The following TTC34 variants were observed in gnomAD, a reference collection of about 807,000 sequenced individuals.
TTC34 encodes the protein tetratricopeptide repeat domain 34.
A neutral mutation model predicts 40.7 loss-of-function variants in TTC34; 44 were observed. The ratio of observed to expected loss-of-function variants is 1.08; its 90% confidence interval spans 0.85 to 1.39. The LOEUF is 1.39. Ranked by LOEUF, TTC34 falls within the 40% of genes most tolerant of loss-of-function variation. The pLI, the probability that TTC34 is intolerant of heterozygous loss-of-function variation, is 0.00. For missense variants in TTC34, 884 were observed against 838.0 expected (o/e 1.05, Z -0.68); for synonymous variants, 422 against 398.6 (o/e 1.06, Z -0.70).
Position 2,641,316 on chromosome 1 carries a change from T to C in TTC34, c.*52A>G, listed in dbSNP as rs556650214. The C allele has an allele frequency of 2.8e-6, 4 of 1,448,136 alleles. No individual in the cohort carries two copies. The East Asian group carries it at 1.0e-4, about 36-fold the overall frequency. The allele number at this position is 1,448,136 out of a possible 1,614,324, so 89.7% of individuals were successfully genotyped here. On this transcript the variant is annotated 3_prime_UTR_variant, in exon 9 of 9. Transcript: ENST00000401095. ...TACACCCCTGGGCCTGGACATCAGG[T>C]GCAGATGCTAGGGTGGCCCCGTGAT...
chr1:2,637,144 T>G (rs1388497882), exon 9 of TTC34: 1 of 151,972 alleles, frequency 6.6e-6, no homozygotes, highest in African/African-American at 2.4e-5. Flanking sequence ...GCATGCTGAT[T>G]GGCTTCTGAT....
At chr1:2,750,952 G>C (rs1238294810) in intron 6 of TTC34, among the ~76,000 whole-genome samples, 1 of 114,546 alleles carries the variant, frequency 8.7e-6, no homozygotes, top group Non-Finnish European at 1.7e-5. Flanking sequence ...GGACAGCCTG[G>C]AGCAGCACCC....
intron 7 of TTC34, 97 bp from the exon 8 acceptor site, chr1:2,644,575 G>C: frequency 7.9e-7 from 1 of 1,270,402 alleles, no homozygotes; most frequent in Non-Finnish European, 1.1e-6. Flanking sequence ...CCCTGTGCTG[G>C]CTTGCGGGGA....
At chr1:2,753,176 C>G (rs1475736101) in intron 6 of TTC34, among the ~76,000 whole-genome samples, 1 of 129,060 alleles carries the variant, frequency 7.7e-6, no homozygotes, top group Non-Finnish European at 1.6e-5. Flanking sequence ...CACCCACACC[C>G]CCAGGTGAGC....
At chr1:2,752,493 G>GCC (rs1641355469) in intron 6 of TTC34, among the ~76,000 whole-genome samples, 1 of 64,294 alleles carries the variant, frequency 1.6e-5, no homozygotes, top group African/African-American at 7.7e-5. Flanking sequence ...CACCCACACA[G>GCC]CCAGGTGAGC....
At chr1:2,750,172 G>A (rs1569688496) in intron 6 of TTC34, among the ~76,000 whole-genome samples, 2 of 152,026 alleles carry the variant, frequency 1.3e-5, no homozygotes, top group Non-Finnish European at 1.5e-5. Flanking sequence ...ACCCCCAGGC[G>A]AGCATCTGAC....
intron 6 of TTC34, among the ~76,000 whole-genome samples, chr1:2,753,652 C>G (rs1423871111): frequency 1.8e-5 from 2 of 108,156 alleles, no homozygotes; most frequent in South Asian, 3.2e-4. Flanking sequence ...GGAGCAGCAC[C>G]CACACCCCAG....
At position 2,767,955 on chromosome 1, in the gene TTC34, A is replaced by C. The variant is rs540596850; in HGVS notation, c.2226+15654T>G. Among the ~76,000 whole-genome samples, 4 of 148,244 alleles carry C rather than the reference A, an allele frequency of 2.7e-5. 1 individual carries two copies. The highest frequency in any genetic ancestry group is 2.0e-4 in the East Asian group (1 of 4,962). On this transcript the variant is annotated intron_variant, in intron 6 of 8. Coordinates refer to ENST00000401095, the Ensembl canonical transcript of TTC34. ...CCAAGGTGGGCATCCGATGGCATGG[A>C]ACAGCACCCCCACTCACAGGTGATG...
chr1:2,641,750 A>G, exon 9 of TTC34: 1 of 1,535,284 alleles, frequency 6.5e-7, no homozygotes, highest in Non-Finnish European at 8.7e-7. Flanking sequence ...GGCCCGGCCA[A>G]ACTCCTGCAA....
chr1:2,682,073 G>T lies in TTC34; in HGVS notation c.2227-36510C>A, dbSNP rs1472380056. Among the ~76,000 whole-genome samples, 3 of 133,938 alleles carry T rather than the reference G, an allele frequency of 2.2e-5. No individual in the cohort carries two copies. The East Asian group carries it at 6.3e-4, about 28-fold the overall frequency. 87.9% of individuals were successfully genotyped at this position (133,938 alleles called of 152,430 possible). A position where few individuals can be genotyped will look rare whatever the true frequency, so the allele number is the denominator to read the frequency against. ...GTGGAGCAGCACCCCACACCCACAG[G>T]TGAGCATCTGACAGCCTGGAGCAGC... On this transcript the variant is annotated intron_variant, in intron 6 of 8. Coordinates refer to ENST00000401095, the Ensembl canonical transcript of TTC34.
intron 6 of TTC34, among the ~76,000 whole-genome samples, chr1:2,685,233 C>A (rs1640276780): frequency 2.8e-5 from 2 of 70,180 alleles, no homozygotes; most frequent in Non-Finnish European, 6.5e-5. Context: ...GGAGCAGCAC[C>A]CACACCCCAG....
intron 6 of TTC34, among the ~76,000 whole-genome samples, chr1:2,652,480 C>G (rs1437515411): frequency 6.6e-6 from 1 of 151,998 alleles, no homozygotes; most frequent in South Asian, 2.1e-4. Context: ...GAGCAGAACC[C>G]ACACCCCCAG....
At chr1:2,691,580 C>G (rs1475288584) in intron 6 of TTC34, among the ~76,000 whole-genome samples, 1 of 129,256 alleles carries the variant, frequency 7.7e-6, no homozygotes, top group African/African-American at 2.7e-5. Flanking sequence ...ACAGCACCCA[C>G]ATGCCCAGGT....
At chr1:2,687,210 G>T (rs568801553) in intron 6 of TTC34, among the ~76,000 whole-genome samples, 1 of 147,186 alleles carries the variant, frequency 6.8e-6, no homozygotes, top group Admixed American at 6.6e-5. Context: ...CACACCTCCC[G>T]GCGAGCATCC....
At chr1:2,685,080 C>A (rs28410393) in intron 6 of TTC34, among the ~76,000 whole-genome samples, 2 of 138,808 alleles carry the variant, frequency 1.4e-5, no homozygotes, top group Non-Finnish European at 3.1e-5. Flanking sequence ...AGCCTGCACC[C>A]CCAGGTGTGC....
At chr1:2,789,797 C>T (rs1021258344) in exon 3 of TTC34, 38 of 488,600 alleles carry the variant, frequency 7.8e-5, no homozygotes, top group Non-Finnish European at 1.2e-4. Flanking sequence ...GTGCGGCGCC[C>T]CCTGCTCCAC....
intron 2 of TTC34, among the ~76,000 whole-genome samples, chr1:2,797,164 G>A (rs550385694): frequency 3.3e-5 from 5 of 152,164 alleles, no homozygotes; most frequent in Admixed American, 6.5e-5. Context: ...TGGCAGCCCC[G>A]TGTCTCATGG....
chr1:2,641,357 G>T, exon 9 of TTC34: 1 of 1,489,860 alleles, frequency 6.7e-7, no homozygotes, highest in Non-Finnish European at 8.9e-7. Flanking sequence ...CTGGGAGAGG[G>T]TCAGGCCCAG....
chr1:2,699,534 C>A (rs1318227564), intron 6 of TTC34, among the ~76,000 whole-genome samples: 4 of 129,476 alleles, frequency 3.1e-5, no homozygotes, highest in Non-Finnish European at 7.1e-5. Flanking sequence ...CCACCCACAT[C>A]CCCAGGTGAG....
Sources: allele counts gnomAD v4.1 joint callset (sites outside exome capture counted in the v4.1 genomes callset), GRCh38; gene constraint gnomAD v4.1.1; transcripts MANE v1.5; gene names NCBI Gene and HGNC (gene_info 2026-07-23, HGNC 2026-07-21).